The following RFT1 variants were observed in gnomAD, a reference collection of about 807,000 sequenced individuals.
RFT1 encodes the protein RFT1 glycolipid translocator homolog.
A neutral mutation model predicts 62.2 loss-of-function variants in RFT1; 43 were observed. The ratio of observed to expected loss-of-function variants is 0.69; its 90% CI spans 0.54 to 0.89. The LOEUF (loss-of-function observed/expected upper bound fraction) is 0.89. Ranked by LOEUF, RFT1 falls within the 40% of genes least tolerant of loss-of-function variation. The pLI, the probability that RFT1 is intolerant of heterozygous loss-of-function variation, is 0.00. For synonymous variants in RFT1, 262 were observed against 264.6 expected, an observed-to-expected ratio of 0.99 and a Z score of 0.10; for missense variants, 605 against 649.9, an observed-to-expected ratio of 0.93 and a Z score of 0.75.
intron 11 of RFT1, among the ~76,000 whole-genome samples, chr3:53,094,347 A>ACACG (rs1240464709): frequency 8.0e-5 from 2 of 25,142 alleles, no homozygotes; most frequent in African/African-American, 2.7e-4. Flanking sequence ...TAAAAATACT[A>ACACG]CACGCACACA....
chr3:53,099,122 C>A (rs1001572006), intron 11 of RFT1, among the ~76,000 whole-genome samples: 1 of 152,050 alleles, frequency 6.6e-6, no homozygotes, highest in Non-Finnish European at 1.5e-5. Context: ...ACTAATGTAA[C>A]CTTTCAGAGC....
chr3:53,128,507 A>G (rs1702173793), intron 1 of RFT1, among the ~76,000 whole-genome samples: 2 of 152,180 alleles, frequency 1.3e-5, no homozygotes, highest in South Asian at 4.1e-4. Context: ...TTACTTCTGC[A>G]AAGAACTTTA....
At chr3:53,125,793 G>T (rs981024384) in intron 2 of RFT1, 116 bp downstream of exon 2, 2 of 794,578 alleles carry the variant, frequency 2.5e-6, no homozygotes, top group Non-Finnish European at 4.2e-6. Flanking sequence ...AAGACATTCT[G>T]CTTCTGATAA....
intron 1 of RFT1, among the ~76,000 whole-genome samples, chr3:53,129,725 A>G (rs1354351974): frequency 6.6e-6 from 1 of 152,216 alleles, no homozygotes; most frequent in Admixed American, 6.5e-5. Context: ...TGCAGCCAAC[A>G]TGTATTAAAT....
intron 10 of RFT1, among the ~76,000 whole-genome samples, chr3:53,101,532 G>A (rs958010114): frequency 3.9e-5 from 6 of 152,204 alleles, no homozygotes; most frequent in African/African-American, 1.4e-4. Context: ...TCCATTTGGG[G>A]AATTCAAGAA....
At position 53,091,195 on chromosome 3, in the gene RFT1, AC is replaced by A. The variant is rs1700977097; in HGVS notation, c.*707del. ...AGGAGTCTCCAGCCAGCTTTCACCCACCCTTCAATCAACAAATCCTGAGAGC... is the reference window on the plus strand; with the variant it reads ...AGGAGTCTCCAGCCAGCTTTCACCCACCTTCAATCAACAAATCCTGAGAGC... On this transcript the variant is annotated 3_prime_UTR_variant, in exon 13 of 13. Transcript: ENST00000296292. The A allele has an allele frequency of 6.6e-6, 1 of 152,422 alleles. No individual in the cohort carries two copies. The highest frequency in any genetic ancestry group is 1.5e-5 in the Non-Finnish European group (1 of 68,296). The allele number at this position is 152,422 out of a possible 1,614,324, so 9.4% of individuals were successfully genotyped here.
At chr3:53,083,493 T>TAA (rs11350349), downstream of RFT1, among the ~76,000 whole-genome samples, 31 of 130,064 alleles carry the variant, frequency 2.4e-4, no homozygotes, top group African/African-American at 8.3e-4. Flanking sequence ...AGACCCTATC[T>TAA]AAAAAAAAAA....
chr3:53,075,689 G>T, the RFT1 span, among the ~76,000 whole-genome samples: 14 of 152,198 alleles, frequency 9.2e-5, no homozygotes, highest in Non-Finnish European at 1.6e-4. Flanking sequence ...TGCTGGCCAG[G>T]GGCCCCCAGC....
chr3:53,129,494 A>T (rs1575508484), intron 1 of RFT1, among the ~76,000 whole-genome samples: 1 of 152,184 alleles, frequency 6.6e-6, no homozygotes. Context: ...CCTCTCTAAG[A>T]TAAGGGGTAG....
chr3:53,101,402 C>A (rs888759557), intron 10 of RFT1, among the ~76,000 whole-genome samples: 1 of 152,120 alleles, frequency 6.6e-6, no homozygotes, highest in African/African-American at 2.4e-5. Context: ...GGCCTCCTTA[C>A]GTGGTAACTG....
At chr3:53,104,151 C>T (rs1437393040) in intron 9 of RFT1, 54 bp from the exon 10 acceptor site, 23 of 1,585,804 alleles carry the variant, frequency 1.5e-5, no homozygotes, top group Non-Finnish European at 2.0e-5. Flanking sequence ...TGAAGAAAAC[C>T]TTCATCCTTC....
intron 5 of RFT1, among the ~76,000 whole-genome samples, chr3:53,120,451 C>A (rs994023648): frequency 6.6e-6 from 1 of 152,158 alleles, no homozygotes; most frequent in African/African-American, 2.4e-5. Context: ...TTTCTATAAA[C>A]CCCGGAAACC....
intron 11 of RFT1, among the ~76,000 whole-genome samples, chr3:53,098,426 T>A (rs7643322): frequency 4.2e-4 from 57 of 136,276 alleles, no homozygotes. Context: ...GGGTCCCCAT[T>A]TGAGACACTC....
the RFT1 span, among the ~76,000 whole-genome samples, chr3:53,072,077 G>A: frequency 6.6e-6 from 1 of 152,206 alleles, no homozygotes; most frequent in Non-Finnish European, 1.5e-5. Flanking sequence ...GCTGCTCCTG[G>A]CGTCACTGTT....
chr3:53,093,793 G>A (rs1286936457), intron 11 of RFT1, among the ~76,000 whole-genome samples: 1 of 152,168 alleles, frequency 6.6e-6, no homozygotes, highest in African/African-American at 2.4e-5. Flanking sequence ...GGTTGAAGCG[G>A]GAGGATCGCT....
chr3:53,108,244 G>A (rs1201574951), intron 7 of RFT1, among the ~76,000 whole-genome samples: 1 of 151,548 alleles, frequency 6.6e-6, no homozygotes, highest in African/African-American at 2.4e-5. Context: ...TAGTAGATGG[G>A]TTTCACCATG....
chr3:53,068,793 T>C, the RFT1 span, among the ~76,000 whole-genome samples: 1 of 152,216 alleles, frequency 6.6e-6, no homozygotes, highest in East Asian at 1.9e-4. Flanking sequence ...TTTACAATGG[T>C]GCAAAAGTCA....
At chr3:53,105,859 T>C in intron 8 of RFT1, 56 bp from the exon 9 acceptor site, 4 of 1,413,156 alleles carry the variant, frequency 2.8e-6, no homozygotes, top group Non-Finnish European at 3.9e-6. Context: ...TTTTAATTTT[T>C]ATAGCACTAT....
chr3:53,103,143 A>C, intron 10 of RFT1: 1 of 985,438 alleles, frequency 1.0e-6, no homozygotes, highest in Non-Finnish European at 1.2e-6. Context: ...TAACACCAAA[A>C]GTTTGGGCCC....
Sources: allele counts gnomAD v4.1 joint callset (sites outside exome capture counted in the v4.1 genomes callset), GRCh38; gene constraint gnomAD v4.1.1; transcripts MANE v1.5; gene names NCBI Gene and HGNC (gene_info 2026-07-23, HGNC 2026-07-21).